The following MDGA2 variants were observed in gnomAD, a reference collection of about 807,000 sequenced individuals.
The protein encoded by MDGA2 is MAM domain containing glycosylphosphatidylinositol anchor 2.
MDGA2 carries 40 observed loss-of-function variants against 117.8 expected under a neutral mutation model. The observed-to-expected ratio is 0.34, with a 90% CI of 0.26 to 0.44. The LOEUF (loss-of-function observed/expected upper bound fraction) is 0.44. MDGA2 is among the 20% of genes least tolerant of loss of function. The pLI, the probability that MDGA2 is intolerant of heterozygous loss-of-function variation, is 1.00. For synonymous variants in MDGA2, 452 were observed against 439.0 expected (o/e 1.03, Z -0.37); for missense variants, 1,123 against 1,250.6 (o/e 0.90, Z 1.54).
chr14:46,905,395 A>G (rs1380292446), intron 10 of MDGA2, among the ~76,000 whole-genome samples: 2 of 152,258 alleles, frequency 1.3e-5, no homozygotes, highest in South Asian at 4.1e-4. Context: ...AAGTGTATTC[A>G]TTATGCTTCC....
At chr14:47,072,882 T>C (rs1390312580) in intron 6 of MDGA2, among the ~76,000 whole-genome samples, 2 of 152,202 alleles carry the variant, frequency 1.3e-5, no homozygotes, top group Non-Finnish European at 2.9e-5. Flanking sequence ...TCTTTTTACT[T>C]TGCAGGATCT....
At chr14:47,039,029 A>G (rs1423149855) in intron 7 of MDGA2, among the ~76,000 whole-genome samples, 1 of 151,918 alleles carries the variant, frequency 6.6e-6, no homozygotes, top group Non-Finnish European at 1.5e-5. Flanking sequence ...AAAAGACTGT[A>G]TAATTTCTCA....
chr14:47,131,631 T>C, intron 5 of MDGA2, 83 bp downstream of exon 5: 2 of 1,112,682 alleles, frequency 1.8e-6, no homozygotes, highest in East Asian at 2.4e-5. Context: ...GTAGAAATCA[T>C]TTGGTCTTTA....
intron 3 of MDGA2, among the ~76,000 whole-genome samples, chr14:47,203,898 C>T (rs1278294058): frequency 6.6e-6 from 1 of 151,964 alleles, no homozygotes; most frequent in Non-Finnish European, 1.5e-5. Flanking sequence ...AGGATACACT[C>T]TAATTGCAAC....
chr14:47,572,827 C>A (rs1187009650), intron 1 of MDGA2, among the ~76,000 whole-genome samples: 1 of 152,186 alleles, frequency 6.6e-6, no homozygotes, highest in Non-Finnish European at 1.5e-5. Flanking sequence ...CTCAGCAGCA[C>A]AATCCAATAG....
At chr14:47,640,375 C>T (rs986090591) in intron 1 of MDGA2, among the ~76,000 whole-genome samples, 7 of 152,102 alleles carry the variant, frequency 4.6e-5, no homozygotes, top group East Asian at 3.9e-4. Context: ...ATTTCTTACC[C>T]GATGTACTGC....
chr14:47,564,687 A>G (rs4297610), intron 1 of MDGA2, among the ~76,000 whole-genome samples: 1 of 152,212 alleles, frequency 6.6e-6, no homozygotes, highest in African/African-American at 2.4e-5. Context: ...AATTTTCATG[A>G]ACAATATACT....
At chr14:47,024,959 C>T (rs1172959371) in intron 8 of MDGA2, among the ~76,000 whole-genome samples, 2 of 152,094 alleles carry the variant, frequency 1.3e-5, no homozygotes, top group East Asian at 3.9e-4. Flanking sequence ...CAGCTACTCC[C>T]TGCCAAACCC....
chr14:47,290,794 GAA>G lies in MDGA2; in HGVS notation c.420+10615_420+10616del, dbSNP rs11321699. Among the ~76,000 whole-genome samples the G allele has an allele frequency of 3.4e-3, 492 of 143,206 alleles. 3 individuals carry two copies. Among genetic ancestry groups the G allele is most frequent in the East Asian group, 0.024 (115 of 4,786 alleles). The allele number at this position is 143,206 out of a possible 152,430, so 93.9% of individuals were successfully genotyped here. ...GATTTAGAACAGTGACACAAAGAAT[GAA>G]AAAAAAAAAACACAATATAAGAAAG... is the stretch of plus-strand genomic sequence containing the variant. On this transcript the variant is annotated intron_variant, in intron 2 of 16. Coordinates refer to ENST00000399232, the MANE Select transcript of MDGA2 (RefSeq NM_001113498.3).
intron 4 of MDGA2, among the ~76,000 whole-genome samples, chr14:47,140,182 G>A (rs1882658065): frequency 6.6e-6 from 1 of 151,924 alleles, no homozygotes; most frequent in Non-Finnish European, 1.5e-5. Flanking sequence ...AAAAACTGAA[G>A]AGGATACAAT....
At chr14:47,169,227 G>A (rs1308216362) in intron 3 of MDGA2, among the ~76,000 whole-genome samples, 1 of 151,836 alleles carries the variant, frequency 6.6e-6, no homozygotes, top group African/African-American at 2.4e-5. Context: ...AGTTCGATAT[G>A]ACCAAATATA....
intron 9 of MDGA2, among the ~76,000 whole-genome samples, chr14:46,956,089 G>A (rs540716204): frequency 1.3e-5 from 2 of 152,194 alleles, no homozygotes; most frequent in South Asian, 2.1e-4. Flanking sequence ...AAGCAAAAAT[G>A]GCGAAAGGCA....
At chr14:47,005,103 T>C (rs1159053352) in intron 8 of MDGA2, among the ~76,000 whole-genome samples, 1 of 151,622 alleles carries the variant, frequency 6.6e-6, no homozygotes, top group Admixed American at 6.6e-5. Flanking sequence ...TTTTTCCTTG[T>C]CTTATTGTAA....
At chr14:47,351,901 A>AC (rs1890890763) in intron 1 of MDGA2, among the ~76,000 whole-genome samples, 1 of 44,392 alleles carries the variant, frequency 2.3e-5, no homozygotes. Context: ...TCTCTAAATT[A>AC]AACACACACA....
At chr14:47,477,170 T>C (rs1664246934) in intron 1 of MDGA2, among the ~76,000 whole-genome samples, 1 of 152,062 alleles carries the variant, frequency 6.6e-6, no homozygotes, top group Non-Finnish European at 1.5e-5. Flanking sequence ...TCAAAATAAA[T>C]AAATAAAAAT....
At chr14:47,313,746 A>G (rs892314439) in intron 1 of MDGA2, among the ~76,000 whole-genome samples, 2 of 152,172 alleles carry the variant, frequency 1.3e-5, no homozygotes, top group Non-Finnish European at 2.9e-5. Context: ...GGTTACCCTA[A>G]AGCTGGAGTA....
At chr14:46,903,224 G>T (rs1463094992) in intron 10 of MDGA2, among the ~76,000 whole-genome samples, 1 of 152,138 alleles carries the variant, frequency 6.6e-6, no homozygotes, top group Non-Finnish European at 1.5e-5. Flanking sequence ...TTTCCTGGTT[G>T]TGACACAAGA....
chr14:47,499,016 T>C (rs547219361), intron 1 of MDGA2, among the ~76,000 whole-genome samples: 1 of 152,240 alleles, frequency 6.6e-6, no homozygotes, highest in South Asian at 2.1e-4. Flanking sequence ...TTTTTTTTAT[T>C]CTACAATATT....
In MDGA2 at chr14:46,851,232, C is replaced by T. The variant is rs150741423; in HGVS notation, c.2883+3792G>A. Among the ~76,000 whole-genome samples, 617 of 151,844 alleles carry T rather than the reference C, an allele frequency of 4.1e-3. 7 individuals are homozygous for T. The highest frequency in any genetic ancestry group is 0.014 in the African/African-American group (593 of 41,486). ...AACGTAAAGAGCATCTTGTGTCTCA[C>T]AATCTAGTTGTACACTTTACCCCTG... On this transcript the variant is annotated intron_variant, in intron 15 of 16. Coordinates refer to ENST00000399232, the MANE Select transcript of MDGA2 (RefSeq NM_001113498.3).
Sources: gnomAD v4.1 joint callset for allele counts (sites outside exome capture counted in the v4.1 genomes callset) on GRCh38, gnomAD v4.1.1 for gene constraint, MANE v1.5 for transcripts, NCBI Gene and HGNC (gene_info 2026-07-23, HGNC 2026-07-21) for gene names.